The following MAGI2 variants were observed in gnomAD, a reference collection of about 807,000 sequenced individuals.
MAGI2 encodes membrane associated guanylate kinase, WW and PDZ domain containing 2, also known as membrane-associated guanylate kinase, WW and PDZ domain-containing protein 2.
Under a neutral mutation model 133.3 loss-of-function variants are expected in MAGI2, and 35 were observed. That is an observed-to-expected ratio of 0.26 (90% CI 0.20 to 0.35). MAGI2 has a LOEUF of 0.35. MAGI2 is among the 10% of genes least tolerant of loss of function. The probability of loss-of-function intolerance (pLI) is 1.00; values close to 1 mark genes in which losing one functional copy is unlikely to be tolerated. For synonymous variants in MAGI2, 729 were observed against 710.6 expected (o/e 1.03, Z -0.41); for missense variants, 1,636 against 1,863.4 (o/e 0.88, Z 2.25).
intron 2 of MAGI2, among the ~76,000 whole-genome samples, chr7:78,953,419 C>A (rs1802031560): frequency 6.6e-6 from 1 of 152,014 alleles, no homozygotes; most frequent in Non-Finnish European, 1.5e-5. Context: ...AATAAAGTTT[C>A]TGTGTGTGGT....
At chr7:79,021,521 T>C (rs113586515) in intron 1 of MAGI2, among the ~76,000 whole-genome samples, 11,648 of 152,264 alleles carry the variant, frequency 0.076, 475 homozygotes, top group African/African-American at 0.099. Context: ...ACTTTAAGGT[T>C]TAATGACTGC....
At chr7:78,528,838 C>G (rs1797198063) in intron 3 of MAGI2, among the ~76,000 whole-genome samples, 1 of 152,084 alleles carries the variant, frequency 6.6e-6, no homozygotes, top group Admixed American at 6.5e-5. Flanking sequence ...AAGCATTAAT[C>G]TTACATGTGT....
chr7:78,501,438 T>G, intron 5 of MAGI2, 139 bp downstream of exon 5: 1 of 706,254 alleles, frequency 1.4e-6, no homozygotes, highest in Non-Finnish European at 2.3e-6. Flanking sequence ...TATCCCACTA[T>G]TCTCTCACAA....
At chr7:78,860,870 C>T (rs377348182) in intron 2 of MAGI2, among the ~76,000 whole-genome samples, 14 of 152,154 alleles carry the variant, frequency 9.2e-5, no homozygotes, top group Admixed American at 9.2e-4. Flanking sequence ...GGCAGGCCTC[C>T]TTGAGCTGCA....
At chr7:78,041,440 C>T (rs1188591224) in intron 21 of MAGI2, among the ~76,000 whole-genome samples, 1 of 152,096 alleles carries the variant, frequency 6.6e-6, no homozygotes, top group Admixed American at 6.5e-5. Context: ...CTCTGGGAGC[C>T]CAAGGTGGGA....
At chr7:78,271,115 A>G (rs1320636665) in intron 9 of MAGI2, among the ~76,000 whole-genome samples, 1 of 152,092 alleles carries the variant, frequency 6.6e-6, no homozygotes, top group Non-Finnish European at 1.5e-5. Flanking sequence ...TGTCATAAAT[A>G]GCTCTTATTA....
intron 6 of MAGI2, among the ~76,000 whole-genome samples, chr7:78,392,520 GT>G (rs1795987738): frequency 6.6e-6 from 1 of 152,164 alleles, no homozygotes; most frequent in Non-Finnish European, 1.5e-5. Flanking sequence ...CTAATGGAAT[GT>G]TTTTGGATAC....
chr7:78,137,160 C>A (rs1215488526), intron 16 of MAGI2, among the ~76,000 whole-genome samples: 2 of 151,842 alleles, frequency 1.3e-5, no homozygotes, highest in Non-Finnish European at 2.9e-5. Context: ...TTAGGGTGAA[C>A]TTTAGTTCCT....
intron 12 of MAGI2, among the ~76,000 whole-genome samples, chr7:78,192,705 A>G (rs968900426): frequency 6.6e-6 from 1 of 152,204 alleles, no homozygotes; most frequent in Non-Finnish European, 1.5e-5. Context: ...GTTATGAAGA[A>G]ATGTGATAGA....
intron 3 of MAGI2, among the ~76,000 whole-genome samples, chr7:78,598,967 T>C (rs1423227488): frequency 6.6e-6 from 1 of 152,086 alleles, no homozygotes; most frequent in Non-Finnish European, 1.5e-5. Context: ...ACGCATTGGA[T>C]TCACGGGTTT....
At chr7:78,949,667 G>A (rs1801708711) in intron 2 of MAGI2, among the ~76,000 whole-genome samples, 1 of 152,050 alleles carries the variant, frequency 6.6e-6, no homozygotes, top group Non-Finnish European at 1.5e-5. Flanking sequence ...AAAAATTATT[G>A]AAAACCAGCT....
chr7:78,209,235 A>AAAAC (rs1787489602), intron 10 of MAGI2, among the ~76,000 whole-genome samples: 1 of 121,414 alleles, frequency 8.2e-6, no homozygotes, highest in East Asian at 2.5e-4. Context: ...AAAAAAAAAA[A>AAAAC]AAAAAAAAAA....
At chr7:78,286,464 G>C (rs1365502875) in intron 9 of MAGI2, among the ~76,000 whole-genome samples, 1 of 152,152 alleles carries the variant, frequency 6.6e-6, no homozygotes, top group East Asian at 1.9e-4. Flanking sequence ...AGGCGTCATA[G>C]AAGAATTGAT....
At chr7:78,524,578 C>G (rs1796791338) in intron 3 of MAGI2, among the ~76,000 whole-genome samples, 1 of 151,998 alleles carries the variant, frequency 6.6e-6, no homozygotes, top group Non-Finnish European at 1.5e-5. Context: ...TAACTTTTTT[C>G]TTTTACAGTC....
At chr7:79,249,731 T>C (rs2129555589) in intron 1 of MAGI2, among the ~76,000 whole-genome samples, 1 of 152,236 alleles carries the variant, frequency 6.6e-6, no homozygotes, top group East Asian at 1.9e-4. Context: ...AAGGAAGAAC[T>C]AAAACCAATC....
intron 2 of MAGI2, among the ~76,000 whole-genome samples, chr7:78,909,210 A>C (rs1798206909): frequency 6.6e-6 from 1 of 152,012 alleles, no homozygotes; most frequent in Admixed American, 6.6e-5. Flanking sequence ...AACATATAAA[A>C]AGAAGCTCAA....
chr7:79,332,524 T>G (rs966107276), intron 1 of MAGI2, among the ~76,000 whole-genome samples: 23 of 152,174 alleles, frequency 1.5e-4, no homozygotes, highest in Non-Finnish European at 2.1e-4. Flanking sequence ...AGATTTCTCC[T>G]GATCCTATTA....
chr7:78,960,145 A>T (rs1802720685), intron 2 of MAGI2, among the ~76,000 whole-genome samples: 1 of 152,140 alleles, frequency 6.6e-6, no homozygotes, highest in Non-Finnish European at 1.5e-5. Flanking sequence ...GTACTCCCTC[A>T]GAGGAGACAG....
chr7:79,175,363 G>T (rs894391154), intron 1 of MAGI2, among the ~76,000 whole-genome samples: 21 of 151,722 alleles, frequency 1.4e-4, no homozygotes, highest in African/African-American at 4.9e-4. Flanking sequence ...AGGCAATTCA[G>T]TTTATTTTTA....
Sources: allele counts gnomAD v4.1 joint callset (sites outside exome capture counted in the v4.1 genomes callset), GRCh38; gene constraint gnomAD v4.1.1; transcripts MANE v1.5; gene names NCBI Gene and HGNC (gene_info 2026-07-23, HGNC 2026-07-21).